SLC38A5: variants seen among roughly 807,000 people sequenced by gnomAD.
SLC38A5 encodes sodium-coupled neutral amino acid transporter 5.
A neutral mutation model predicts 34.6 loss-of-function variants in SLC38A5; 9 were observed. The ratio of observed to expected loss-of-function variants is 0.26; its 90% confidence interval spans 0.16 to 0.45. The LOEUF is 0.45. SLC38A5 is among the 20% of genes least tolerant of loss of function. The pLI, the probability that SLC38A5 is intolerant of heterozygous loss-of-function variation, is 1.00. For missense variants in SLC38A5, 253 were observed against 394.7 expected (o/e 0.64, Z 3.04); for synonymous variants, 157 against 155.6 (o/e 1.01, Z -0.07).
In SLC38A5 at chrX:48,466,070, T is replaced by C; in HGVS notation, c.436A>G (p.Ile146Val). ...VGAMSSYLFI[I>V]KSELPLVIGT... ...ATAACCAGGGGGAGCTCAGATTTGATGATGAACAGGTAACTGGACATGGCT... is the reference window on the plus strand; with the variant it reads ...ATAACCAGGGGGAGCTCAGATTTGACGATGAACAGGTAACTGGACATGGCT... Residue 146 changes from isoleucine to valine, a missense_variant, in exon 8 of 17, where the codon ATC (isoleucine) becomes GTC (valine). Physicochemically the swap from Ile to Val is conservative, Grantham distance 29 (BLOSUM62 3). Coordinates refer to ENST00000620913, the MANE Select transcript of SLC38A5 (RefSeq NM_033518.4). The C allele has an allele frequency of 8.3e-7, 1 of 1,204,069 alleles. No individual in the cohort carries two copies.
chrX:48,459,728 T>C lies in SLC38A5; in HGVS notation c.1213+4A>G. ...GGTATGGGACTGGGGTGAGGTTTAC[T>C]GACCGATAACTCCAAAGATATCCCG... On this transcript the variant is annotated splice_donor_region_variant and intron_variant, in intron 15 of 16. Transcript: ENST00000620913. 8.3e-7 allele frequency: 1 copy of C among 1,210,348 alleles called. No individual in the cohort carries two copies. Among genetic ancestry groups the C allele is most frequent in the East Asian group, 3.0e-5 (1 of 33,772 alleles).
rs150316312 is a variant in SLC38A5 at position 48,460,694 on chromosome X, G to A, written c.1023C>T (p.Ala341=). 4.2e-5 allele frequency: 51 copies of A among 1,210,511 alleles called. No individual in the cohort carries two copies. The highest frequency in any genetic ancestry group is 4.0e-4 in the African/African-American group (23 of 57,326). ...CAGTGAGGGTCACCGCGAGCAGCAC[G>A]GCCAGGCGCACACAGAGGATGAGCG... The part of the protein sequence containing the change: ...KDPLILCVRL[A]VLLAVTLTVP... Residue 341 remains alanine (A), a synonymous_variant, in exon 14 of 17, where the codon GCC becomes GCT. Coordinates refer to ENST00000620913, the MANE Select transcript of SLC38A5 (RefSeq NM_033518.4).
rs781925474 is a variant in SLC38A5, at chrX:48,461,075, C to T, written c.863G>A (p.Arg288His). The change falls in exon 13 of 17, where the codon CGC (arginine) becomes CAC (histidine). Residue 288 changes from arginine (R) to histidine (H), a missense_variant. Arg to His is a conservative substitution (Grantham distance 29, BLOSUM62 0). Coordinates refer to ENST00000620913, the MANE Select transcript of SLC38A5 (RefSeq NM_033518.4). ...CACGTTGGCCACGGCCTGCATCCTGCGCTTGGAGGGCCTGAGGTGTAGAGG... is the reference window on the plus strand; with the variant it reads ...CACGTTGGCCACGGCCTGCATCCTGTGCTTGGAGGGCCTGAGGTGTAGAGG... ...IYTELCRPSKRRMQAVANVSI... is the reference protein window; with the variant it reads ...IYTELCRPSKHRMQAVANVSI... 5 of 1,205,545 alleles carry T rather than the reference C, an allele frequency of 4.1e-6. No individual in the cohort carries two copies. The highest frequency in any genetic ancestry group is 5.9e-5 in the East Asian group (2 of 33,639).
chrX:48,465,737 C>T (rs2061471518), intron 8 of SLC38A5, among the ~76,000 whole-genome samples: 2 of 111,773 alleles, frequency 1.8e-5, no homozygotes, highest in African/African-American at 6.5e-5. Flanking sequence ...TGTACATTCA[C>T]ACACACATGG....
chrX:48,468,792 G>A, intron 2 of SLC38A5: 1 of 659,483 alleles, frequency 1.5e-6, no homozygotes, highest in Non-Finnish European at 1.8e-6. Flanking sequence ...GTGGGGTGTG[G>A]GGTGTCTCAG....
chrX:48,467,672 G>A (rs781888039), intron 4 of SLC38A5, 38 bp downstream of exon 4: 19 of 1,173,747 alleles, frequency 1.6e-5, no homozygotes, highest in Non-Finnish European at 2.2e-5. Context: ...ATTAGCTGGG[G>A]AAGGTGCCAC....
Position 48,466,807 on chromosome X carries a change from C to T in SLC38A5, c.311G>A (p.Gly104Asp). The T allele has an allele frequency of 1.7e-6, 2 of 1,201,454 alleles. No homozygotes were observed. The highest frequency in any genetic ancestry group is 3.6e-5 in the South Asian group (2 of 55,356). Reference sequence around the variant, plus strand: ...CAGGCTCTGGGTCTCACCTGCAATACCAGCACAGGTCAGCAGGAGGTGGAT... The same window carrying T: ...CAGGCTCTGGGTCTCACCTGCAATATCAGCACAGGTCAGCAGGAGGTGGAT... ...YSIHLLLTCA[G>D]IAGIRAYEQL... Residue 104 changes from glycine (G) to aspartate (D), a missense_variant, in exon 6 of 17, where the codon GGT (glycine) becomes GAT (aspartate). Physicochemically the swap from Gly to Asp is moderately conservative, Grantham distance 94. This residue lies in a region of SLC38A5 where 37 missense variants were observed against 85.3 expected (regional missense o/e 0.43). Transcript: ENST00000620913.
At chrX:48,465,953 G>A in intron 8 of SLC38A5, 62 bp downstream of exon 8, 1 of 979,511 alleles carries the variant, frequency 1.0e-6, no homozygotes, top group Non-Finnish European at 1.4e-6. Context: ...TGAAGATACT[G>A]ACCGGGCCTC....
chrX:48,459,630 G>A lies in SLC38A5; in HGVS notation c.1223C>T (p.Ser408Leu). The change falls in exon 16 of 17, where the codon TCA (serine) becomes TTA (leucine). Residue 408 changes from serine to leucine, a missense_variant. Ser to Leu is a moderately radical substitution (Grantham distance 145). This residue lies in a region of SLC38A5 where 176 missense variants were observed against 273.0 expected (regional missense o/e 0.64). Transcript: ENST00000620913. ...RDIFGVIGST[S>L]APSLIFILPS... is the part of the protein sequence containing the mutation. ...GAGGATGAAGATGAGGCTGGGGGCTGAGGTGGACCCTGGAGAACAAGAAGA... is the reference window on the plus strand; with the variant it reads ...GAGGATGAAGATGAGGCTGGGGGCTAAGGTGGACCCTGGAGAACAAGAAGA... The A allele has an allele frequency of 8.6e-7, 1 of 1,161,859 alleles. No individual in the cohort carries two copies. The highest frequency in any genetic ancestry group is 1.1e-6 in the Non-Finnish European group (1 of 870,434).
intron 16 of SLC38A5, 44 bp downstream of exon 16, chrX:48,459,492 T>C: frequency 9.7e-7 from 1 of 1,034,971 alleles, no homozygotes; most frequent in South Asian, 2.9e-5. Flanking sequence ...CACTCCCTCC[T>C]TGGAGTGCTC....
In SLC38A5 at chrX:48,461,815, T is replaced by C; in HGVS notation, c.772-18A>G. On this transcript the variant is annotated intron_variant, in intron 11 of 16. Transcript: ENST00000620913. ...TAGGACATCTAGGGGAATGCCCGAG[T>C]ACATGGGATTAGAGCCAACAGGGGT... 8.3e-7 allele frequency: 1 copy of C among 1,200,132 alleles called. No homozygotes were observed.
intron 7 of SLC38A5, 52 bp downstream of exon 7, chrX:48,466,178 C>T (rs2061474675): frequency 5.2e-6 from 6 of 1,156,213 alleles, no homozygotes; most frequent in Non-Finnish European, 7.0e-6. Context: ...GGGAAGCCCA[C>T]CTCACTCCGC....
intron 8 of SLC38A5, among the ~76,000 whole-genome samples, chrX:48,463,732 G>A (rs1371117410): frequency 2.7e-4 from 25 of 94,129 alleles, no homozygotes; most frequent in African/African-American, 9.3e-4. Context: ...AGCCAAGATC[G>A]CGCCATTGCA....
intron 6 of SLC38A5, 84 bp from the exon 7 acceptor site, chrX:48,466,406 T>C (rs1294304965): frequency 6.4e-6 from 6 of 944,460 alleles, no homozygotes; most frequent in East Asian, 3.4e-5. Flanking sequence ...AGCTGGGGAG[T>C]TGGGGCTTGG....
chrX:48,469,815 A>AG (rs1398414228), intron 1 of SLC38A5: 4 of 112,428 alleles, frequency 3.6e-5, no homozygotes, highest in African/African-American at 1.3e-4. Context: ...AGGGGATGCT[A>AG]GGGGAGCTTG....
Position 48,458,996 on chromosome X carries a change from G to A in SLC38A5, c.1356C>T (p.Ala452=), listed in dbSNP as rs148202849. 9 of 1,194,935 alleles carry A rather than the reference G, an allele frequency of 7.5e-6. No individual in the cohort carries two copies. Among genetic ancestry groups the A allele is most frequent in the Admixed American group, 2.3e-5 (1 of 44,169 alleles). The part of the protein sequence containing the change: ...CFGVLGVLFM[A]VSLGFMFANW... ...TGGCAAACATAAAGCCTAGACTGAC[G>A]GCCATGAAGAGGACTCCCAGGACTC... is the stretch of plus-strand genomic sequence containing the variant. The change falls in exon 17 of 17, where the codon GCC becomes GCT. Residue 452 remains alanine, a synonymous_variant. Transcript: ENST00000620913.
chrX:48,460,101 A>G (rs1382610056), intron 14 of SLC38A5, among the ~76,000 whole-genome samples: 2 of 110,571 alleles, frequency 1.8e-5, no homozygotes, highest in Non-Finnish European at 3.8e-5. Context: ...CTGTCTGAAC[A>G]CCCATCGGCA....
chrX:48,469,146 C>T, intron 2 of SLC38A5, 189 bp downstream of exon 2: 1 of 420,643 alleles, frequency 2.4e-6, no homozygotes, highest in African/African-American at 2.7e-5. Context: ...CCCTCCGGAG[C>T]CTCCCACCCA....
chrX:48,468,578 C>T (rs1003220432), intron 2 of SLC38A5: 80 of 206,030 alleles, frequency 3.9e-4, no homozygotes, highest in Non-Finnish European at 5.4e-4. Context: ...CTCTCTGCCA[C>T]GACTCTGAAT....
Sources: allele counts gnomAD v4.1 joint callset (sites outside exome capture counted in the v4.1 genomes callset), GRCh38; gene constraint gnomAD v4.1.1; regional missense constraint gnomAD v4.1.1; transcripts MANE v1.5; gene names NCBI Gene and HGNC (gene_info 2026-07-23, HGNC 2026-07-21).